Variants in MEGF11 observed in about 807,000 individuals in gnomAD.
The protein encoded by MEGF11 is multiple epidermal growth factor-like domains protein 11.
A neutral mutation model predicts 146.6 loss-of-function variants in MEGF11; 126 were observed. That is an observed-to-expected ratio of 0.86 (90% confidence interval 0.74 to 1.00). The LOEUF (loss-of-function observed/expected upper bound fraction) is 1.00, where lower values mean the gene tolerates loss of function less well. MEGF11 is among the 50% of genes least tolerant of loss of function. The probability of loss-of-function intolerance (pLI) is 0.00; values close to 1 mark genes in which losing one functional copy is unlikely to be tolerated. For missense variants in MEGF11, 1,509 were observed against 1,521.2 expected, an observed-to-expected ratio of 0.99 and a Z score of 0.13; for synonymous variants, 532 against 583.4, an observed-to-expected ratio of 0.91 and a Z score of 1.27.
At chr15:66,235,151 G>A (rs894170605) in intron 1 of MEGF11, among the ~76,000 whole-genome samples, 16 of 152,198 alleles carry the variant, frequency 1.1e-4, no homozygotes, top group African/African-American at 3.9e-4. Flanking sequence ...GGAGGGCGGG[G>A]AAGGTGCAGA....
At chr15:66,055,557 T>C (rs374317016) in intron 5 of MEGF11, among the ~76,000 whole-genome samples, 3 of 152,248 alleles carry the variant, frequency 2.0e-5, no homozygotes, top group Admixed American at 2.0e-4. Context: ...TGGTTCTATG[T>C]ATTTCTTTTC....
At chr15:65,943,442 C>T (rs779031100) in intron 10 of MEGF11, among the ~76,000 whole-genome samples, 2 of 152,100 alleles carry the variant, frequency 1.3e-5, no homozygotes, top group African/African-American at 4.8e-5. Context: ...GCATGTTCTG[C>T]AGGCTGTTTT....
intron 24 of MEGF11, 56 bp downstream of exon 24, chr15:65,906,029 G>A (rs897305100): frequency 4.9e-6 from 7 of 1,424,918 alleles, no homozygotes; most frequent in Non-Finnish European, 6.8e-6. Context: ...TTTCAGATCT[G>A]CACTCTTTAT....
At chr15:66,065,953 A>G (rs1045137526) in intron 5 of MEGF11, among the ~76,000 whole-genome samples, 5 of 152,062 alleles carry the variant, frequency 3.3e-5, no homozygotes, top group African/African-American at 1.2e-4. Context: ...TGGTGGGAGG[A>G]CAGTTTGTCC....
At chr15:65,994,730 T>G (rs1258438311) in intron 5 of MEGF11, among the ~76,000 whole-genome samples, 1 of 152,196 alleles carries the variant, frequency 6.6e-6, no homozygotes, top group East Asian at 1.9e-4. Context: ...CCCAAAGGCC[T>G]GGCAGGAGGC....
chr15:66,020,169 G>T (rs1283928933), intron 5 of MEGF11, among the ~76,000 whole-genome samples: 1 of 152,210 alleles, frequency 6.6e-6, no homozygotes, highest in East Asian at 1.9e-4. Flanking sequence ...TTTCCTGGTC[G>T]CAGCGATTGG....
intron 5 of MEGF11, among the ~76,000 whole-genome samples, chr15:66,025,660 TC>T (rs1392846350): frequency 6.6e-6 from 1 of 152,094 alleles, no homozygotes; most frequent in Non-Finnish European, 1.5e-5. Flanking sequence ...GCTTTGTGAG[TC>T]CTTAGGAACG....
At chr15:66,247,368 A>G (rs1352020855) in intron 1 of MEGF11, among the ~76,000 whole-genome samples, 1 of 152,190 alleles carries the variant, frequency 6.6e-6, no homozygotes, top group Admixed American at 6.5e-5. Context: ...AAGTATAATT[A>G]TGGTGCTAAT....
intron 1 of MEGF11, among the ~76,000 whole-genome samples, chr15:66,225,031 GC>G (rs1221361606): frequency 6.6e-6 from 1 of 152,214 alleles, no homozygotes; most frequent in Non-Finnish European, 1.5e-5. Context: ...AAAGAACACG[GC>G]GTGTGTGGTC....
intron 1 of MEGF11, among the ~76,000 whole-genome samples, chr15:66,224,639 AT>A (rs11311522): frequency 0.11 from 11,786 of 103,366 alleles, 642 homozygotes; most frequent in Non-Finnish European, 0.18. Flanking sequence ...ATTATTACTT[AT>A]TATATTATAT....
chr15:66,245,491 G>T (rs1016545555), intron 1 of MEGF11, among the ~76,000 whole-genome samples: 1 of 152,032 alleles, frequency 6.6e-6, no homozygotes, highest in African/African-American at 2.4e-5. Flanking sequence ...AATTAGCCAG[G>T]CATGGTGGCA....
intron 14 of MEGF11, 86 bp from the exon 15 acceptor site, chr15:65,922,558 C>T: frequency 6.9e-7 from 1 of 1,455,706 alleles, no homozygotes; most frequent in Non-Finnish European, 9.1e-7. Flanking sequence ...TTCTCAGAAA[C>T]ATGGGGAGAC....
At position 65,913,989 on chromosome 15, in the gene MEGF11, G is replaced by C. The variant is rs780454986; in HGVS notation, c.2474-16C>G. The stretch of plus-strand genomic sequence containing the variant: ...ATGAGGGCAGCTGCGGGCAGAGGGA[G>C]GGCCTGAGCCTGGGGCTGGCCTTCT... On this transcript the variant is annotated splice_polypyrimidine_tract_variant and intron_variant, in intron 19 of 25. Transcript: ENST00000395614. 6.2e-7 allele frequency: 1 copy of C among 1,608,552 alleles called. No homozygotes were observed. Among genetic ancestry groups the C allele is most frequent in the Non-Finnish European group, 8.5e-7 (1 of 1,175,758 alleles).
At chr15:66,118,755 C>T (rs1300238014) in intron 4 of MEGF11, among the ~76,000 whole-genome samples, 6 of 152,222 alleles carry the variant, frequency 3.9e-5, no homozygotes, top group Non-Finnish European at 7.3e-5. Context: ...TAACCCTGTG[C>T]CAGGCACCCA....
At chr15:66,078,732 T>C (rs1311581737) in intron 5 of MEGF11, among the ~76,000 whole-genome samples, 1 of 152,152 alleles carries the variant, frequency 6.6e-6, no homozygotes, top group Non-Finnish European at 1.5e-5. Flanking sequence ...ATCCGCCCGG[T>C]TGCCAGCACG....
intron 8 of MEGF11, among the ~76,000 whole-genome samples, chr15:65,965,610 TTTC>T (rs1423118800): frequency 0.087 from 5,462 of 63,124 alleles, 917 homozygotes; most frequent in East Asian, 0.36. Flanking sequence ...CTTTTTTTTT[TTTC>T]TTTTTTTTTT....
intron 1 of MEGF11, among the ~76,000 whole-genome samples, chr15:66,137,985 G>A (rs1334685478): frequency 2.6e-5 from 4 of 152,184 alleles, no homozygotes; most frequent in Admixed American, 2.0e-4. Flanking sequence ...TTTAAGCCTC[G>A]GAGTTTGAGG....
At chr15:66,118,946 A>G (rs180735012) in intron 4 of MEGF11, 140 bp downstream of exon 4, 25 of 619,350 alleles carry the variant, frequency 4.0e-5, no homozygotes, top group Non-Finnish European at 6.9e-5. Context: ...CACTGGCAGC[A>G]GGCAGGGACT....
At chr15:66,143,956 G>C (rs1244263288) in intron 1 of MEGF11, among the ~76,000 whole-genome samples, 1 of 152,164 alleles carries the variant, frequency 6.6e-6, no homozygotes, top group Non-Finnish European at 1.5e-5. Context: ...AGGCACCTCA[G>C]CCTTTCCTCC....
Sources: gnomAD v4.1 joint callset for allele counts (sites outside exome capture counted in the v4.1 genomes callset) on GRCh38, gnomAD v4.1.1 for gene constraint, MANE v1.5 for transcripts, NCBI Gene and HGNC (gene_info 2026-07-23, HGNC 2026-07-21) for gene names.